CDC42SE2: variants seen among roughly 807,000 people sequenced by gnomAD.
CDC42SE2 encodes CDC42 small effector protein 2.
A neutral mutation model predicts 11.5 loss-of-function variants in CDC42SE2; 3 were observed. The ratio of observed to expected loss-of-function variants is 0.26; its 90% CI spans 0.12 to 0.67. The LOEUF (loss-of-function observed/expected upper bound fraction) is 0.67, where lower values mean the gene tolerates loss of function less well. Ranked by LOEUF, CDC42SE2 falls within the 30% of genes least tolerant of loss-of-function variation. The pLI is 0.80. For synonymous variants in CDC42SE2, 33 were observed against 34.8 expected, an observed-to-expected ratio of 0.95 and a Z score of 0.18; for missense variants, 82 against 106.8, an observed-to-expected ratio of 0.77 and a Z score of 1.02.
At chr5:131,312,806 C>A (rs986628541) in intron 1 of CDC42SE2, among the ~76,000 whole-genome samples, 3 of 152,120 alleles carry the variant, frequency 2.0e-5, no homozygotes, top group Non-Finnish European at 4.4e-5. Flanking sequence ...GGCTTGCAAA[C>A]GGTGTGCGCA....
intron 1 of CDC42SE2, among the ~76,000 whole-genome samples, chr5:131,249,038 T>C (rs1756619207): frequency 8.0e-6 from 1 of 124,872 alleles, no homozygotes; most frequent in Admixed American, 8.5e-5. Flanking sequence ...TTTTTTTTGA[T>C]ACAGACTCTT....
chr5:131,284,087 G>A (rs538626606), intron 1 of CDC42SE2, among the ~76,000 whole-genome samples: 4 of 152,186 alleles, frequency 2.6e-5, no homozygotes, highest in African/African-American at 9.7e-5. Context: ...TCCATCAGCC[G>A]TGTAGGAAAT....
intron 1 of CDC42SE2, among the ~76,000 whole-genome samples, chr5:131,252,058 G>GGGGAAGGAAGGAAGGA (rs1561561614): frequency 2.4e-5 from 1 of 41,084 alleles, no homozygotes; most frequent in South Asian, 9.5e-4. Context: ...AAGAGAATGA[G>GGGGAAGGAAGGAAGGA]TGGAAGGAAG....
chr5:131,317,878 T>C (rs1199583990), intron 2 of CDC42SE2, among the ~76,000 whole-genome samples: 3 of 149,498 alleles, frequency 2.0e-5, no homozygotes, highest in Non-Finnish European at 1.5e-5. Flanking sequence ...TTTTTTTTTC[T>C]TGATCGATTC....
upstream of CDC42SE2, among the ~76,000 whole-genome samples, chr5:131,260,619 T>C: frequency 2.0e-5 from 2 of 102,274 alleles, no homozygotes; most frequent in South Asian, 3.1e-4. Context: ...AGCGAGACGC[T>C]CTCTCAAAAA....
In CDC42SE2 at chr5:131,394,049, T is replaced by G. The variant is rs1388597266; in HGVS notation, c.*2958T>G. On this transcript the variant is annotated 3_prime_UTR_variant, in exon 5 of 5. Coordinates refer to ENST00000505065, the MANE Select transcript of CDC42SE2 (RefSeq NM_001375635.1). ...ACAAAAAAAGATACGGTATTAACCT[T>G]GGACATAATTTTTTTTAGGGAGGCA... 1 of 152,316 alleles carries G rather than the reference T, an allele frequency of 6.6e-6. No individual in the cohort carries two copies. The highest frequency in any genetic ancestry group is 1.5e-5 in the Non-Finnish European group (1 of 68,030). 9.4% of individuals were successfully genotyped at this position (152,316 alleles called of 1,614,324 possible). A position where few individuals can be genotyped will look rare whatever the true frequency, so the allele number is the denominator to read the frequency against.
chr5:131,304,880 A>G (rs1757750345), intron 1 of CDC42SE2, among the ~76,000 whole-genome samples: 1 of 152,200 alleles, frequency 6.6e-6, no homozygotes, highest in South Asian at 2.1e-4. Flanking sequence ...TAATATTTAA[A>G]CATAAAATTA....
At chr5:131,272,207 G>T (rs2149694470) in intron 1 of CDC42SE2, among the ~76,000 whole-genome samples, 1 of 151,856 alleles carries the variant, frequency 6.6e-6, no homozygotes, top group South Asian at 2.1e-4. Flanking sequence ...TAGAGACAGG[G>T]TTTCACCACG....
chr5:131,384,765 C>G (rs907175092), intron 3 of CDC42SE2, among the ~76,000 whole-genome samples: 100 of 151,816 alleles, frequency 6.6e-4, no homozygotes, highest in African/African-American at 2.3e-3. Context: ...GGCTCAGCAC[C>G]CCATGAGAAG....
At chr5:131,298,320 TG>T (rs1377559032) in intron 1 of CDC42SE2, among the ~76,000 whole-genome samples, 1 of 151,874 alleles carries the variant, frequency 6.6e-6, no homozygotes, top group Non-Finnish European at 1.5e-5. Context: ...TTGGTGAGTC[TG>T]GTCTTGAACT....
At chr5:131,316,937 A>T (rs1281390662) in intron 2 of CDC42SE2, among the ~76,000 whole-genome samples, 1 of 152,062 alleles carries the variant, frequency 6.6e-6, no homozygotes, top group African/African-American at 2.4e-5. Flanking sequence ...TTTCTACTTG[A>T]TCATGTTCTT....
intron 1 of CDC42SE2, among the ~76,000 whole-genome samples, chr5:131,268,456 CT>C (rs71000984): frequency 0.56 from 82,155 of 145,992 alleles, 27,154 homozygotes; most frequent in Non-Finnish European, 0.76. Context: ...TTTAACTTTT[CT>C]TTTTTTTTTT....
intron 3 of CDC42SE2, among the ~76,000 whole-genome samples, chr5:131,372,525 A>G (rs1750039557): frequency 6.6e-6 from 1 of 152,088 alleles, no homozygotes; most frequent in Admixed American, 6.6e-5. Flanking sequence ...CATCCTGGCT[A>G]ACACAGTGAA....
the CDC42SE2 span, among the ~76,000 whole-genome samples, chr5:131,214,121 G>A: frequency 1.3e-5 from 2 of 152,178 alleles, no homozygotes; most frequent in African/African-American, 4.8e-5. Context: ...AACAAGCTTT[G>A]TAAAATATAA....
intron 3 of CDC42SE2, among the ~76,000 whole-genome samples, chr5:131,383,842 T>C (rs1442111615): frequency 6.6e-6 from 1 of 152,314 alleles, no homozygotes; most frequent in East Asian, 1.9e-4. Flanking sequence ...GGTTATAATA[T>C]TTACTATCTA....
chr5:131,351,444 C>CG (rs1233425556), intron 2 of CDC42SE2, among the ~76,000 whole-genome samples: 1 of 151,880 alleles, frequency 6.6e-6, no homozygotes, highest in Non-Finnish European at 1.5e-5. Context: ...TTAGCAGAGA[C>CG]GGGGTTTCAC....
chr5:131,288,223 C>CA lies in CDC42SE2; in HGVS notation c.-455+24071dup, dbSNP rs879292271. Reference sequence around the variant, plus strand: ...TGGGTGACAGAGGGAGACCCTGCCTCAAAAAAAAAAAAAATTGTGGTAATG... The same window carrying CA: ...TGGGTGACAGAGGGAGACCCTGCCTCAAAAAAAAAAAAAAATTGTGGTAATG... On this transcript the variant is annotated intron_variant, in intron 1 of 4. Coordinates refer to ENST00000505065, the MANE Select transcript of CDC42SE2 (RefSeq NM_001375635.1). Among the ~76,000 whole-genome samples the CA allele has an allele frequency of 9.0e-3, 1,131 of 125,734 alleles. 6 individuals are homozygous for CA. The highest frequency in any genetic ancestry group is 0.026 in the African/African-American group (899 of 33,950). 82.5% of individuals were successfully genotyped at this position (125,734 alleles called of 152,430 possible).
the CDC42SE2 span, among the ~76,000 whole-genome samples, chr5:131,231,866 A>G: frequency 0.017 from 2,593 of 151,102 alleles, 78 homozygotes; most frequent in African/African-American, 0.059. Flanking sequence ...ATCTCCACTC[A>G]CTGCAACCTC....
intron 2 of CDC42SE2, among the ~76,000 whole-genome samples, chr5:131,256,069 G>A (rs142757401): frequency 5.9e-5 from 9 of 152,176 alleles, no homozygotes; most frequent in East Asian, 1.9e-4. Context: ...ACTGTCTTTC[G>A]TCTTCAGAGA....
Sources: allele counts gnomAD v4.1 joint callset (sites outside exome capture counted in the v4.1 genomes callset), GRCh38; gene constraint gnomAD v4.1.1; transcripts MANE v1.5; gene names NCBI Gene and HGNC (gene_info 2026-07-23, HGNC 2026-07-21).